KCNQ2: variants seen among roughly 807,000 people sequenced by gnomAD.
The protein encoded by KCNQ2 is potassium voltage-gated channel subfamily KQT member 2.
Under a neutral mutation model 84.8 loss-of-function variants are expected in KCNQ2, and 14 were observed. The ratio of observed to expected loss-of-function variants is 0.17; its 90% CI spans 0.11 to 0.26. KCNQ2 has a LOEUF of 0.26. KCNQ2 is among the 10% of genes least tolerant of loss of function. The pLI, the probability that KCNQ2 is intolerant of heterozygous loss-of-function variation, is 1.00. For missense variants in KCNQ2, 788 were observed against 1,254.0 expected, an observed-to-expected ratio of 0.63 and a Z score of 5.61; for synonymous variants, 599 against 554.1, an observed-to-expected ratio of 1.08 and a Z score of -1.14.
intron 2 of KCNQ2, chr20:63,445,696 T>A: frequency 2.5e-6 from 1 of 399,366 alleles, no homozygotes; most frequent in Non-Finnish European, 4.6e-6. Context: ...GGGTTCTATC[T>A]GGGCTAGGGA....
rs1247143311 is a variant in KCNQ2 at position 63,414,397 on chromosome 20, G to A, written c.1526-204C>T. On this transcript the variant is annotated intron_variant, in intron 13 of 16. Coordinates refer to ENST00000359125, the MANE Select transcript of KCNQ2 (RefSeq NM_172107.4). The surrounding 1 kb of genome is among the most constrained non-coding windows in gnomAD (Gnocchi z 6.6). The stretch of plus-strand genomic sequence containing the variant: ...TCAGGACCTTCCCCGGCAGGCTGTG[G>A]CCACAGGGAGTGGCCGATATGGGGC... Among the ~76,000 whole-genome samples, 3 of 152,206 alleles carry A rather than the reference G, an allele frequency of 2.0e-5. No individual in the cohort carries two copies. Among genetic ancestry groups the A allele is most frequent in the Non-Finnish European group, 4.4e-5 (3 of 68,046 alleles).
chr20:63,470,039 C>G (rs2082175028), intron 1 of KCNQ2, among the ~76,000 whole-genome samples: 1 of 152,268 alleles, frequency 6.6e-6, no homozygotes, highest in Admixed American at 6.5e-5. Flanking sequence ...GGTTGAGAAG[C>G]AGCTGTGCCG....
At chr20:63,462,957 A>G (rs1401775702) in intron 1 of KCNQ2, among the ~76,000 whole-genome samples, 1 of 152,140 alleles carries the variant, frequency 6.6e-6, no homozygotes, top group Non-Finnish European at 1.5e-5. Flanking sequence ...GAGATGGGCC[A>G]TGGCTGACCC....
intron 1 of KCNQ2, among the ~76,000 whole-genome samples, chr20:63,454,914 A>G (rs1053223888): frequency 3.3e-5 from 5 of 152,192 alleles, no homozygotes; most frequent in Middle Eastern, 3.4e-3. Context: ...GGCCATCACC[A>G]CCTCAGACCC....
chr20:63,419,693 G>C, intron 11 of KCNQ2, 21 bp from the exon 12 acceptor site: 8 of 1,604,416 alleles, frequency 5.0e-6, no homozygotes, highest in Non-Finnish European at 6.8e-6. Context: ...GGAGAGCACA[G>C]TTAGTCCTGG....
At chr20:63,443,310 TC>T (rs2081297507) in intron 4 of KCNQ2, among the ~76,000 whole-genome samples, 1 of 19,360 alleles carries the variant, frequency 5.2e-5, no homozygotes, top group African/African-American at 2.1e-4. Flanking sequence ...ACCATCACCA[TC>T]ATCACCACCA....
chr20:63,444,657 A>G lies in KCNQ2; in HGVS notation c.690+2T>C. 1.9e-6 allele frequency: 3 copies of G among 1,549,028 alleles called. No individual in the cohort carries two copies. The highest frequency in any genetic ancestry group is 2.6e-6 in the Non-Finnish European group (3 of 1,142,376). On this transcript the variant is annotated splice_donor_variant, in intron 4 of 16. Coordinates refer to ENST00000359125, the MANE Select transcript of KCNQ2 (RefSeq NM_172107.4). LOFTEE classifies it high-confidence loss of function. ...ACCGCCAGCCTTGGGGCCGTGACTCACCTTGCTGTGGGCATAGACCACAGA... is the reference window on the plus strand; with the variant it reads ...ACCGCCAGCCTTGGGGCCGTGACTCGCCTTGCTGTGGGCATAGACCACAGA...
At chr20:63,461,561 G>A (rs1269667594) in intron 1 of KCNQ2, among the ~76,000 whole-genome samples, 4 of 152,196 alleles carry the variant, frequency 2.6e-5, no homozygotes, top group Non-Finnish European at 4.4e-5. Context: ...TCAGGACCAT[G>A]GCCAGCACCC....
intron 12 of KCNQ2, among the ~76,000 whole-genome samples, chr20:63,418,868 C>T (rs1360941055): frequency 6.6e-6 from 1 of 152,078 alleles, no homozygotes; most frequent in Admixed American, 6.5e-5. Flanking sequence ...CATGCAGCCC[C>T]ACCAGCCCTC....
At chr20:63,416,305 T>C (rs1215506790) in intron 12 of KCNQ2, among the ~76,000 whole-genome samples, 4 of 151,678 alleles carry the variant, frequency 2.6e-5, no homozygotes, top group Non-Finnish European at 4.4e-5. Context: ...TGCCCCCGAG[T>C]TTTTTGGTGA....
intron 7 of KCNQ2, chr20:63,434,800 T>C (rs2080942428): frequency 6.6e-6 from 1 of 152,228 alleles, no homozygotes; most frequent in Non-Finnish European, 1.5e-5. Flanking sequence ...GATAGGAGGA[T>C]CGTATGGATA....
intron 1 of KCNQ2, among the ~76,000 whole-genome samples, chr20:63,461,576 G>A (rs1247147180): frequency 8.5e-5 from 13 of 152,284 alleles, no homozygotes; most frequent in African/African-American, 2.9e-4. Context: ...GCACCCCGGG[G>A]GCCGGCCCTC....
intron 9 of KCNQ2, among the ~76,000 whole-genome samples, chr20:63,429,426 G>A (rs1354549143): frequency 1.3e-5 from 2 of 152,068 alleles, no homozygotes; most frequent in Non-Finnish European, 1.5e-5. Context: ...CTCTGCGTTG[G>A]AGGCAGGACG....
chr20:63,467,425 T>C (rs1304051580), intron 1 of KCNQ2, among the ~76,000 whole-genome samples: 1 of 152,042 alleles, frequency 6.6e-6, no homozygotes, highest in Non-Finnish European at 1.5e-5. Context: ...TGTGCAGCTA[T>C]GGAACGTCAC....
rs1033897221 is a variant in KCNQ2, at chr20:63,425,024, C to T, written c.1218-818G>A. Among the ~76,000 whole-genome samples, 1 of 152,214 alleles carries T rather than the reference C, an allele frequency of 6.6e-6. No individual in the cohort carries two copies. Among genetic ancestry groups the T allele is most frequent in the Non-Finnish European group, 1.5e-5 (1 of 68,040 alleles). ...GAGGGTCCCTCATCACCTCCTGCAG[C>T]TCCCGGTGGCCCAGGTGTCCTTGGC... On this transcript the variant is annotated intron_variant, in intron 10 of 16. Transcript: ENST00000359125. This position sits in a 1 kb window ranked among gnomAD's most constrained non-coding sequence, Gnocchi z 5.5.
chr20:63,468,328 T>C (rs2082130832), intron 1 of KCNQ2, among the ~76,000 whole-genome samples: 1 of 152,198 alleles, frequency 6.6e-6, no homozygotes, highest in African/African-American at 2.4e-5. Context: ...GACTGGACCC[T>C]GGTCCTGCCA....
At chr20:63,435,407 A>AAG (rs2080965111) in intron 7 of KCNQ2, among the ~76,000 whole-genome samples, 1 of 150,592 alleles carries the variant, frequency 6.6e-6, no homozygotes, top group African/African-American at 2.4e-5. Context: ...AAAAAAAAAA[A>AAG]GTTGGCCATC....
At chr20:63,443,292 TCAC>T (rs1351936217) in intron 4 of KCNQ2, among the ~76,000 whole-genome samples, 301 of 16,284 alleles carry the variant, frequency 0.018, 3 homozygotes, top group African/African-American at 0.069. Context: ...ATCACCATCA[TCAC>T]CACCACCATC....
At chr20:63,442,620 C>A in intron 4 of KCNQ2, 89 bp from the exon 5 acceptor site, 1 of 1,357,232 alleles carries the variant, frequency 7.4e-7, no homozygotes. Context: ...CACATCAACA[C>A]CATGACCACC....
Sources: gnomAD v4.1 joint callset for allele counts (sites outside exome capture counted in the v4.1 genomes callset) on GRCh38, gnomAD v4.1.1 for gene constraint, Gnocchi (gnomAD v3.1) non-coding constraint, MANE v1.5 for transcripts, NCBI Gene and HGNC (gene_info 2026-07-23, HGNC 2026-07-21) for gene names.